CAPN5: variants seen among roughly 807,000 people sequenced by gnomAD.
CAPN5 encodes calpain-5.
A neutral mutation model predicts 73.0 loss-of-function variants in CAPN5; 54 were observed. The ratio of observed to expected loss-of-function variants is 0.74; its 90% CI spans 0.59 to 0.93. The LOEUF is 0.93. CAPN5 is among the 40% of genes least tolerant of loss of function. The pLI, the probability that CAPN5 is intolerant of heterozygous loss-of-function variation, is 0.00. For missense variants in CAPN5, 785 were observed against 882.9 expected (o/e 0.89, Z 1.41); for synonymous variants, 335 against 356.9 (o/e 0.94, Z 0.69).
At chr11:77,096,774 C>T (rs1251404385) in intron 3 of CAPN5, among the ~76,000 whole-genome samples, 2 of 152,190 alleles carry the variant, frequency 1.3e-5, no homozygotes, top group South Asian at 2.1e-4. Context: ...GCCACAGAGC[C>T]GGGCCTGGGC....
intron 1 of CAPN5, among the ~76,000 whole-genome samples, chr11:77,076,719 G>A (rs1476419784): frequency 3.3e-5 from 5 of 152,096 alleles, no homozygotes; most frequent in African/African-American, 1.2e-4. Flanking sequence ...TGGCTGAATT[G>A]TATTACATTG....
In CAPN5 at chr11:77,118,312, G is replaced by T. The variant is rs782480766; in HGVS notation, c.1127G>T (p.Gly376Val). 66 of 1,607,878 alleles carry T rather than the reference G, an allele frequency of 4.1e-5. No individual in the cohort carries two copies. In the South Asian group the frequency reaches 7.1e-4, roughly 17 times the overall value. ...GACCCGCGACAGAACCGCGGTGGCG[G>T]CTGCATCAACCACAAGGACACCTTC... is the stretch of plus-strand genomic sequence containing the variant. ...HEDPRQNRGG[G>V]CINHKDTFFQ... Residue 376 changes from glycine to valine, a missense_variant, in exon 8 of 13, where the codon GGC becomes GTC. Gly to Val is a moderately radical substitution (Grantham distance 109, BLOSUM62 -3). Transcript: ENST00000648180.
At chr11:77,098,250 C>G (rs1212614238) in intron 3 of CAPN5, among the ~76,000 whole-genome samples, 2 of 92,512 alleles carry the variant, frequency 2.2e-5, no homozygotes, top group African/African-American at 1.0e-4. Context: ...ACCTCCCTCC[C>G]GGACGGGGCG....
chr11:77,085,133 G>A, intron 2 of CAPN5, 82 bp downstream of exon 2: 2 of 1,240,978 alleles, frequency 1.6e-6, no homozygotes, highest in East Asian at 2.4e-5. Flanking sequence ...CATCGGGGTG[G>A]TGGGAGGAGG....
intron 3 of CAPN5, among the ~76,000 whole-genome samples, chr11:77,105,737 C>T (rs1950339457): frequency 6.6e-6 from 1 of 152,154 alleles, no homozygotes; most frequent in Non-Finnish European, 1.5e-5. Flanking sequence ...CAGGAATTGT[C>T]AAACCTGTGC....
In CAPN5 at chr11:77,073,398, G is replaced by A. The variant is rs182754719; in HGVS notation, c.-36+6304G>A. Among the ~76,000 whole-genome samples, 134 of 152,186 alleles carry A rather than the reference G, an allele frequency of 8.8e-4. 2 individuals are homozygous for A. The East Asian group carries it at 0.025, about 29-fold the overall frequency. ...TTGCTTACAGATGCTGCTTACAACA[G>A]CGGCTCCTGCTGTCCCTACACTCCC... is the stretch of plus-strand genomic sequence containing the variant. On this transcript the variant is annotated intron_variant, in intron 1 of 12. Transcript: ENST00000648180.
chr11:77,108,581 C>G (rs561587366), intron 3 of CAPN5, among the ~76,000 whole-genome samples: 3 of 152,250 alleles, frequency 2.0e-5, no homozygotes, highest in African/African-American at 7.2e-5. Flanking sequence ...GGGTAGCGAG[C>G]ACAGCCTGAT....
intron 2 of CAPN5, among the ~76,000 whole-genome samples, chr11:77,092,314 C>T (rs1055646116): frequency 3.3e-5 from 5 of 152,338 alleles, no homozygotes; most frequent in South Asian, 2.1e-4. Context: ...TCAGAGAGCT[C>T]GCCAGATTGC....
At chr11:77,069,647 C>T (rs1442178309) in intron 1 of CAPN5, among the ~76,000 whole-genome samples, 2 of 152,122 alleles carry the variant, frequency 1.3e-5, no homozygotes, top group East Asian at 3.9e-4. Context: ...CAACACCCCC[C>T]ACCCCTCCCC....
At chr11:77,114,566 A>G in intron 5 of CAPN5, 132 bp downstream of exon 5, 1 of 831,958 alleles carries the variant, frequency 1.2e-6, no homozygotes, top group Non-Finnish European at 2.0e-6. Context: ...GGGGGAGGGG[A>G]GAAGTTGGAA....
chr11:77,115,255 T>C (rs1157465545), intron 5 of CAPN5, 140 bp from the exon 6 acceptor site: 3 of 647,250 alleles, frequency 4.6e-6, no homozygotes, highest in Non-Finnish European at 7.7e-6. Flanking sequence ...TAAAGCTCTG[T>C]GAACACAGCA....
In CAPN5 at chr11:77,123,690, C is replaced by T. The variant is rs781975929; in HGVS notation, c.1743C>T (p.Val581=). 4 of 1,613,060 alleles carry T rather than the reference C, an allele frequency of 2.5e-6. No homozygotes were observed. Among genetic ancestry groups the T allele is most frequent in the Non-Finnish European group, 3.4e-6 (4 of 1,179,548 alleles). The part of the protein sequence containing the change: ...KKLSQPITVQ[V]WNHRVLKDEF... ...CATGATCCTCTGTCTCTTCCCAGGT[C>T]TGGAACCACCGAGTGCTGAAGGATG... Residue 581 remains valine (V), a splice_region_variant and synonymous_variant, in exon 13 of 13, where the codon GTC becomes GTT. Coordinates refer to ENST00000648180, the MANE Select transcript of CAPN5 (RefSeq NM_004055.5).
intron 1 of CAPN5, among the ~76,000 whole-genome samples, chr11:77,077,343 C>T (rs896832064): frequency 7.3e-5 from 11 of 151,538 alleles, no homozygotes; most frequent in African/African-American, 1.9e-4. Flanking sequence ...GGCGACAGAG[C>T]GAGACTCTGT....
intron 3 of CAPN5, among the ~76,000 whole-genome samples, chr11:77,105,474 C>T (rs933364554): frequency 2.0e-5 from 3 of 152,184 alleles, no homozygotes; most frequent in Admixed American, 1.3e-4. Context: ...TGGGCGCCGC[C>T]GAGGGCTTGG....
chr11:77,122,127 C>T, intron 11 of CAPN5, 78 bp downstream of exon 11: 2 of 805,226 alleles, frequency 2.5e-6, no homozygotes, highest in Non-Finnish European at 3.8e-6. Context: ...CGGATACCAG[C>T]CTCAGAGCTC....
intron 3 of CAPN5, among the ~76,000 whole-genome samples, chr11:77,102,606 G>A (rs1950297352): frequency 6.6e-6 from 1 of 152,260 alleles, no homozygotes; most frequent in Admixed American, 6.5e-5. Flanking sequence ...CCTGCCTGCA[G>A]GGCCTGCATT....
chr11:77,118,080 T>A, intron 7 of CAPN5, 77 bp from the exon 8 acceptor site: 1 of 1,333,246 alleles, frequency 7.5e-7, no homozygotes, highest in Non-Finnish European at 1.1e-6. Context: ...ATGGACATAT[T>A]AGGTTGTTGG....
chr11:77,108,055 A>C (rs1950369566), intron 3 of CAPN5, among the ~76,000 whole-genome samples: 1 of 152,176 alleles, frequency 6.6e-6, no homozygotes, highest in African/African-American at 2.4e-5. Flanking sequence ...CCCCGTTGAA[A>C]GTGAAGTCAC....
At chr11:77,077,290 G>A (rs1050335272) in intron 1 of CAPN5, among the ~76,000 whole-genome samples, 1 of 152,126 alleles carries the variant, frequency 6.6e-6, no homozygotes, top group African/African-American at 2.4e-5. Context: ...CTGGGAAAGG[G>A]AGGTTGCAGT....
Sources: allele counts gnomAD v4.1 joint callset (sites outside exome capture counted in the v4.1 genomes callset), GRCh38; gene constraint gnomAD v4.1.1; transcripts MANE v1.5; gene names NCBI Gene and HGNC (gene_info 2026-07-23, HGNC 2026-07-21).